SNX13: variants seen among roughly 807,000 people sequenced by gnomAD.
SNX13 encodes the protein sorting nexin-13.
In SNX13, 45 loss-of-function variants were observed where a neutral mutation model predicts 133.6. The ratio of observed to expected loss-of-function variants is 0.34; its 90% confidence interval spans 0.27 to 0.43. The LOEUF (loss-of-function observed/expected upper bound fraction) is 0.43. Among genes scored for constraint, SNX13 ranks in the 20% least tolerant of loss-of-function variants. The pLI is 1.00. For synonymous variants in SNX13, 414 were observed against 373.9 expected, an observed-to-expected ratio of 1.11 and a Z score of -1.24; for missense variants, 1,032 against 1,145.1, an observed-to-expected ratio of 0.90 and a Z score of 1.43.
At chr7:17,843,595 A>G (rs1790155929) in intron 12 of SNX13, among the ~76,000 whole-genome samples, 1 of 152,124 alleles carries the variant, frequency 6.6e-6, no homozygotes, top group East Asian at 1.9e-4. Flanking sequence ...CATACAGAAC[A>G]CTTCCCAACA....
At chr7:17,821,786 G>T in intron 17 of SNX13, 138 bp from the exon 18 acceptor site, 1 of 943,520 alleles carries the variant, frequency 1.1e-6, no homozygotes, top group Non-Finnish European at 1.5e-6. Flanking sequence ...TGAAATGACA[G>T]ACTGAGACAG....
chr7:17,831,218 T>C (rs1164242101), intron 15 of SNX13: 1 of 984,018 alleles, frequency 1.0e-6, no homozygotes, highest in Non-Finnish European at 1.2e-6. Context: ...TCAATCTTGG[T>C]CGACATTTAA....
In SNX13 at chr7:17,821,718, C is replaced by T. The variant is rs1193862938; in HGVS notation, c.1706-70G>A. 5 of 1,484,938 alleles carry T rather than the reference C, an allele frequency of 3.4e-6. No individual in the cohort carries two copies. The East Asian group carries it at 7.2e-5, about 21-fold the overall frequency. The allele number at this position is 1,484,938 out of a possible 1,614,324, so 92.0% of individuals were successfully genotyped here. A position where few individuals can be genotyped will look rare whatever the true frequency, so the allele number is the denominator to read the frequency against. On this transcript the variant is annotated intron_variant, in intron 17 of 25. Transcript: ENST00000428135. ...AAACAAAATGAAGAGGAACGAAAGA[C>T]ACAAAAAAGGAGGAAGATGAAGAAA... is the stretch of plus-strand genomic sequence containing the variant.
intron 1 of SNX13, among the ~76,000 whole-genome samples, chr7:17,939,628 C>T (rs964704673): frequency 6.6e-6 from 1 of 152,172 alleles, no homozygotes; most frequent in Non-Finnish European, 1.5e-5. Flanking sequence ...AAAAACTATT[C>T]CATAGGGAGT....
chr7:17,851,094 G>C, intron 9 of SNX13, 130 bp from the exon 10 acceptor site: 1 of 914,264 alleles, frequency 1.1e-6, no homozygotes, highest in Non-Finnish European at 1.6e-6. Context: ...AAAGAAAAAA[G>C]TTCTATATTT....
intron 2 of SNX13, among the ~76,000 whole-genome samples, chr7:17,896,090 C>A (rs1320847831): frequency 6.6e-6 from 1 of 152,130 alleles, no homozygotes; most frequent in Admixed American, 6.5e-5. Flanking sequence ...GCCATGCTGT[C>A]GCCTTAACTG....
chr7:17,813,233 A>G (rs969191587), intron 20 of SNX13, among the ~76,000 whole-genome samples: 6 of 152,226 alleles, frequency 3.9e-5, no homozygotes, highest in African/African-American at 1.4e-4. Context: ...GCTGATATCA[A>G]TTTATTACTT....
At chr7:17,933,555 AAAAG>A (rs1313826043) in intron 1 of SNX13, among the ~76,000 whole-genome samples, 1 of 152,086 alleles carries the variant, frequency 6.6e-6, no homozygotes, top group East Asian at 1.9e-4. Flanking sequence ...AAAAAAAAAA[AAAAG>A]AGAGAACTTG....
intron 9 of SNX13, among the ~76,000 whole-genome samples, chr7:17,854,917 A>G (rs1030119476): frequency 6.6e-6 from 1 of 152,198 alleles, no homozygotes; most frequent in African/African-American, 2.4e-5. Context: ...AGGAAAATGT[A>G]TCAAAAGCCA....
chr7:17,905,745 T>C (rs958446896), intron 1 of SNX13, among the ~76,000 whole-genome samples: 43 of 152,302 alleles, frequency 2.8e-4, no homozygotes, highest in Non-Finnish European at 4.6e-4. Flanking sequence ...AACAGGAGAA[T>C]ATAAAATAAC....
chr7:17,882,867 C>A, intron 5 of SNX13: 1 of 1,283,752 alleles, frequency 7.8e-7, no homozygotes, highest in Non-Finnish European at 1.0e-6. Flanking sequence ...TTAAACAAAA[C>A]AGGGTTCCAG....
chr7:17,807,546 T>G (rs1196661366), intron 20 of SNX13, among the ~76,000 whole-genome samples: 2 of 152,210 alleles, frequency 1.3e-5, no homozygotes, highest in Non-Finnish European at 2.9e-5. Flanking sequence ...AGTTGCAGCA[T>G]GCTTAAACGT....
intron 15 of SNX13, chr7:17,831,047 C>A: frequency 1.0e-6 from 1 of 984,082 alleles, no homozygotes; most frequent in Non-Finnish European, 1.2e-6. Context: ...GTTATCTATC[C>A]TCCTTATTCA....
chr7:17,826,251 T>C (rs918293976), intron 16 of SNX13, among the ~76,000 whole-genome samples, 160 bp from the exon 17 acceptor site: 1 of 151,970 alleles, frequency 6.6e-6, no homozygotes, highest in African/African-American at 2.4e-5. Flanking sequence ...AATAATATTT[T>C]CCATTTAGGC....
At chr7:17,920,025 G>C (rs1238213137) in intron 1 of SNX13, among the ~76,000 whole-genome samples, 3 of 152,016 alleles carry the variant, frequency 2.0e-5, no homozygotes, top group Non-Finnish European at 2.9e-5. Flanking sequence ...AGAAAAAAAA[G>C]TATCCTTTTG....
At chr7:17,910,855 T>A (rs1798896884) in intron 1 of SNX13, among the ~76,000 whole-genome samples, 1 of 152,194 alleles carries the variant, frequency 6.6e-6, no homozygotes, top group South Asian at 2.1e-4. Context: ...AAATCCATAG[T>A]AACAGAACTC....
Position 17,845,670 on chromosome 7 carries a change from CT to C in SNX13, c.1089del (p.Ala364GlnfsTer16). 1 of 1,598,574 alleles carries C rather than the reference CT, an allele frequency of 6.3e-7. No individual in the cohort carries two copies. Among genetic ancestry groups the C allele is most frequent in the Non-Finnish European group, 8.5e-7 (1 of 1,172,728 alleles). ...ACTGTGCAAAGTTTCCCAAAGTTTG[CT>C]GCAAGTTTCACAGTATTTATTTCCT... The part of the protein sequence containing the change: ...SGKEINTVKL[A>X]ANFGKLCTVP... On this transcript the variant is annotated frameshift_variant, in exon 12 of 26. Coordinates refer to ENST00000428135, the MANE Select transcript of SNX13 (RefSeq NM_015132.5). LOFTEE classifies it high-confidence loss of function.
chr7:17,794,466 T>C (rs1783839569), intron 25 of SNX13, 174 bp from the exon 26 acceptor site: 2 of 723,858 alleles, frequency 2.8e-6, no homozygotes, highest in East Asian at 2.8e-5. Flanking sequence ...TTTGCATGCA[T>C]GCATCTATTT....
intron 1 of SNX13, among the ~76,000 whole-genome samples, chr7:17,925,178 C>T (rs1178047490): frequency 6.6e-6 from 1 of 152,122 alleles, no homozygotes; most frequent in Non-Finnish European, 1.5e-5. Context: ...CATGCCACTG[C>T]ACTACAGCCT....
Sources: allele counts gnomAD v4.1 joint callset (sites outside exome capture counted in the v4.1 genomes callset), GRCh38; gene constraint gnomAD v4.1.1; transcripts MANE v1.5; gene names NCBI Gene and HGNC (gene_info 2026-07-23, HGNC 2026-07-21).